The following TMTC1 variants were observed in gnomAD, a reference collection of about 807,000 sequenced individuals.
TMTC1 encodes the protein transmembrane O-mannosyltransferase targeting cadherins 1.
TMTC1 carries 73 observed loss-of-function variants against 104.8 expected under a neutral mutation model. The ratio of observed to expected loss-of-function variants is 0.70; its 90% CI spans 0.58 to 0.85. The LOEUF (loss-of-function observed/expected upper bound fraction) is 0.85. Ranked by LOEUF, TMTC1 falls within the 40% of genes least tolerant of loss-of-function variation. The pLI is 0.00. For missense variants in TMTC1, 1,035 were observed against 1,096.1 expected (o/e 0.94, Z 0.79); for synonymous variants, 434 against 428.7 (o/e 1.01, Z -0.15).
chr12:29,715,599 C>A (rs532976067), intron 5 of TMTC1, among the ~76,000 whole-genome samples: 3 of 152,216 alleles, frequency 2.0e-5, no homozygotes, highest in African/African-American at 7.2e-5. Context: ...CTGATTTAGA[C>A]CTCGTAACAT....
rs1413131518 is a variant in TMTC1, at chr12:29,692,361, G to A, written c.939-59025C>T. On this transcript the variant is annotated intron_variant, in intron 5 of 17. Transcript: ENST00000539277. ...GGTTAGGAAAAAATAATACACAATT[G>A]TGCTCTGAGGGCCAACGAAATGAAT... Among the ~76,000 whole-genome samples, 2 of 142,706 alleles carry A rather than the reference G, an allele frequency of 1.4e-5. 1 individual carries two copies. The highest frequency in any genetic ancestry group is 3.0e-5 in the Non-Finnish European group (2 of 66,040). 93.6% of individuals were successfully genotyped at this position (142,706 alleles called of 152,430 possible).
intron 5 of TMTC1, chr12:29,666,141 T>C: frequency 4.7e-6 from 2 of 429,252 alleles, no homozygotes; most frequent in South Asian, 3.4e-5. Context: ...TTTTAACACA[T>C]ATAGCAAGAT....
intron 7 of TMTC1, among the ~76,000 whole-genome samples, chr12:29,593,408 C>T (rs183648569): frequency 6.6e-6 from 1 of 152,286 alleles, no homozygotes; most frequent in Admixed American, 6.5e-5. Context: ...CTGTAAATAA[C>T]ACCTCAAGAA....
chr12:29,573,905 G>C (rs1945749917), intron 8 of TMTC1, among the ~76,000 whole-genome samples: 1 of 152,152 alleles, frequency 6.6e-6, no homozygotes, highest in Admixed American at 6.5e-5. Flanking sequence ...TAGCAAAAGA[G>C]AAGGACTGAG....
chr12:29,668,718 C>G (rs890378877), intron 5 of TMTC1, among the ~76,000 whole-genome samples: 11 of 152,180 alleles, frequency 7.2e-5, no homozygotes, highest in Non-Finnish European at 1.3e-4. Flanking sequence ...ACCTTGGCCT[C>G]CCAAAGTGCT....
intron 10 of TMTC1, among the ~76,000 whole-genome samples, chr12:29,539,559 T>G (rs1162659144): frequency 6.6e-6 from 1 of 152,200 alleles, no homozygotes. Flanking sequence ...TGACTAGCAT[T>G]CCAAACATAC....
intron 5 of TMTC1, among the ~76,000 whole-genome samples, chr12:29,695,569 T>C (rs1241494004): frequency 1.3e-5 from 2 of 151,842 alleles, no homozygotes; most frequent in Non-Finnish European, 2.9e-5. Context: ...CCTCCCAAAG[T>C]GCTGGGATTA....
chr12:29,690,846 T>C lies in TMTC1; in HGVS notation c.939-57510A>G, dbSNP rs192889769. On this transcript the variant is annotated intron_variant, in intron 5 of 17. Transcript: ENST00000539277. ...AGAAAACTCTAAGGTTTGGGTTCTT[T>C]TTAGTGATGAAACTGCCTTTGCAAA... Among the ~76,000 whole-genome samples the C allele has an allele frequency of 4.6e-5, 7 of 152,366 alleles. No individual in the cohort carries two copies. The South Asian group carries it at 6.2e-4, about 14-fold the overall frequency.
intron 17 of TMTC1, among the ~76,000 whole-genome samples, chr12:29,511,558 ACAAAACAAAG>A (rs2136133449): frequency 6.6e-6 from 1 of 152,304 alleles, no homozygotes; most frequent in African/African-American, 2.4e-5. Flanking sequence ...CTTTGGAAAA[ACAAAACAAAG>A]CAAAACAAAC....
intron 12 of TMTC1, among the ~76,000 whole-genome samples, 185 bp downstream of exon 12, chr12:29,520,433 G>C (rs949334626): frequency 8.5e-5 from 13 of 152,164 alleles, no homozygotes; most frequent in Admixed American, 5.9e-4. Context: ...AGAATGGCCA[G>C]ATTTTACTGA....
At chr12:29,658,332 A>G (rs1435817884) in intron 5 of TMTC1, 2 of 152,080 alleles carry the variant, frequency 1.3e-5, no homozygotes, top group African/African-American at 4.8e-5. Context: ...TATATTTTTA[A>G]TTTTTTACAG....
intron 5 of TMTC1, among the ~76,000 whole-genome samples, chr12:29,703,537 T>C (rs1474115149): frequency 1.3e-5 from 2 of 152,212 alleles, no homozygotes; most frequent in Admixed American, 1.3e-4. Context: ...AGAGAACTGG[T>C]TGCTTTTTTC....
intron 8 of TMTC1, 117 bp from the exon 9 acceptor site, chr12:29,572,335 CA>C (rs1945701984): frequency 1.1e-6 from 1 of 872,234 alleles, no homozygotes; most frequent in Non-Finnish European, 1.8e-6. Flanking sequence ...TATTCTAAAA[CA>C]AGGCATTGTA....
At chr12:29,572,712 G>A (rs966017896) in intron 8 of TMTC1, among the ~76,000 whole-genome samples, 6 of 152,170 alleles carry the variant, frequency 3.9e-5, no homozygotes, top group Admixed American at 2.6e-4. Flanking sequence ...TGCACAGATA[G>A]GCCCTGCCGA....
chr12:29,518,021 A>G (rs2136150299), intron 13 of TMTC1, among the ~76,000 whole-genome samples: 1 of 152,280 alleles, frequency 6.6e-6, no homozygotes, highest in East Asian at 1.9e-4. Flanking sequence ...GGCCAAGAAC[A>G]AGGTTTTTAC....
At chr12:29,699,209 A>C (rs1709011003) in intron 5 of TMTC1, among the ~76,000 whole-genome samples, 1 of 152,226 alleles carries the variant, frequency 6.6e-6, no homozygotes, top group Non-Finnish European at 1.5e-5. Flanking sequence ...ACAGTTGTGC[A>C]GAGGAAGGTC....
At chr12:29,612,509 G>A (rs2136432083) in intron 6 of TMTC1, among the ~76,000 whole-genome samples, 1 of 152,208 alleles carries the variant, frequency 6.6e-6, no homozygotes, top group African/African-American at 2.4e-5. Context: ...CCACCTCCTG[G>A]GTTCAAGCAA....
chr12:29,689,424 C>T (rs561390079), intron 5 of TMTC1, among the ~76,000 whole-genome samples: 1 of 152,228 alleles, frequency 6.6e-6, no homozygotes, highest in African/African-American at 2.4e-5. Flanking sequence ...AGTGATTCTC[C>T]TGCCTCAGCC....
chr12:29,716,154 G>C (rs1465442581), intron 5 of TMTC1, among the ~76,000 whole-genome samples: 1 of 151,974 alleles, frequency 6.6e-6, no homozygotes, highest in African/African-American at 2.4e-5. Flanking sequence ...CAGTAGCTAA[G>C]AGCACAGGTG....
Sources: gnomAD v4.1 joint callset for allele counts (sites outside exome capture counted in the v4.1 genomes callset) on GRCh38, gnomAD v4.1.1 for gene constraint, MANE v1.5 for transcripts, NCBI Gene and HGNC (gene_info 2026-07-23, HGNC 2026-07-21) for gene names.